Variants in DOCK3 observed in about 807,000 individuals in gnomAD.
DOCK3 encodes dedicator of cytokinesis protein 3.
Under a neutral mutation model 265.6 loss-of-function variants are expected in DOCK3, and 60 were observed. The observed-to-expected ratio is 0.23, with a 90% CI of 0.18 to 0.28. The LOEUF (loss-of-function observed/expected upper bound fraction) is 0.28. DOCK3 is among the 10% of genes least tolerant of loss of function. The pLI, the probability that DOCK3 is intolerant of heterozygous loss-of-function variation, is 1.00. For missense variants in DOCK3, 1,981 were observed against 2,594.3 expected (o/e 0.76, Z 5.14); for synonymous variants, 881 against 938.0 (o/e 0.94, Z 1.11).
At chr3:51,323,025 A>G (rs2083844482) in intron 32 of DOCK3, among the ~76,000 whole-genome samples, 1 of 152,184 alleles carries the variant, frequency 6.6e-6, no homozygotes, top group Non-Finnish European at 1.5e-5. Context: ...CAGACTTTAA[A>G]CCAACAAAGA....
intron 5 of DOCK3, among the ~76,000 whole-genome samples, chr3:50,964,897 A>G (rs2076986544): frequency 6.6e-6 from 1 of 152,128 alleles, no homozygotes; most frequent in South Asian, 2.1e-4. Context: ...TCTCATCAGA[A>G]ACAATGTAAA....
chr3:51,361,988 C>G lies in DOCK3; in HGVS notation c.5136C>G (p.His1712Gln). ...SMGDAPEDLY[H>Q]HMQLAYPNPR... is the part of the protein sequence containing the mutation. ...GTGATGCTCCTGAGGACCTGTACCA[C>G]CACATGCAGGTACAGAGCTGTCCAC... Residue 1712 changes from histidine to glutamine, a missense_variant, in exon 48 of 53, where the codon CAC (histidine) becomes CAG (glutamine). This residue lies in a region of DOCK3 where 1,357 missense variants were observed against 1,866.8 expected (regional missense o/e 0.73). Transcript: ENST00000266037. This position sits in a 1 kb window ranked among gnomAD's most constrained non-coding sequence, Gnocchi z 4.2. The G allele has an allele frequency of 1.2e-6, 2 of 1,607,690 alleles. No homozygotes were observed. Among genetic ancestry groups the G allele is most frequent in the Non-Finnish European group, 1.7e-6 (2 of 1,177,046 alleles).
chr3:50,810,088 T>C (rs1446604204), intron 2 of DOCK3, among the ~76,000 whole-genome samples: 1 of 152,140 alleles, frequency 6.6e-6, no homozygotes, highest in Non-Finnish European at 1.5e-5. Flanking sequence ...TGAGCTATGA[T>C]TGTGCCACTA....
intron 17 of DOCK3, 106 bp from the exon 18 acceptor site, chr3:51,228,555 C>T: frequency 7.8e-7 from 1 of 1,283,606 alleles, no homozygotes; most frequent in South Asian, 1.6e-5. Context: ...GCCCAACGTT[C>T]AGCCTTAGGA....
chr3:50,710,421 C>A (rs1164122082), intron 1 of DOCK3, among the ~76,000 whole-genome samples: 1 of 152,154 alleles, frequency 6.6e-6, no homozygotes, highest in African/African-American at 2.4e-5. Flanking sequence ...AAATGCTCAA[C>A]ATCACTATCA....
At chr3:51,067,664 T>G (rs987669044) in intron 6 of DOCK3, among the ~76,000 whole-genome samples, 1 of 150,448 alleles carries the variant, frequency 6.6e-6, no homozygotes, top group Non-Finnish European at 1.5e-5. Flanking sequence ...TATTTTCTCC[T>G]TTCCTTCAGT....
intron 27 of DOCK3, among the ~76,000 whole-genome samples, chr3:51,287,323 A>G (rs1428606429): frequency 6.6e-6 from 1 of 152,150 alleles, no homozygotes; most frequent in Non-Finnish European, 1.5e-5. Context: ...CTGAGGCAGC[A>G]AGATCACTTG....
intron 1 of DOCK3, among the ~76,000 whole-genome samples, chr3:50,691,270 C>T (rs1450068334): frequency 3.5e-5 from 5 of 143,818 alleles, no homozygotes; most frequent in South Asian, 2.2e-4. Flanking sequence ...GGTGACAGAG[C>T]GAGACTCTGT....
At chr3:51,097,072 G>A (rs927959252) in intron 9 of DOCK3, among the ~76,000 whole-genome samples, 1 of 152,232 alleles carries the variant, frequency 6.6e-6, no homozygotes, top group African/African-American at 2.4e-5. Flanking sequence ...TCCCAGTCAG[G>A]AGGCACAGGG....
At chr3:50,688,247 T>C (rs1169489639) in intron 1 of DOCK3, among the ~76,000 whole-genome samples, 1 of 152,212 alleles carries the variant, frequency 6.6e-6, no homozygotes, top group African/African-American at 2.4e-5. Context: ...CAATAATTGC[T>C]TCTGTTCTTA....
intron 13 of DOCK3, among the ~76,000 whole-genome samples, chr3:51,212,432 T>G (rs1322111278): frequency 1.7e-5 from 2 of 118,258 alleles, no homozygotes; most frequent in Non-Finnish European, 3.4e-5. Flanking sequence ...ACACCCACTG[T>G]TTTTTTTTTT....
chr3:51,197,071 G>T (rs2088346327), intron 12 of DOCK3, among the ~76,000 whole-genome samples: 1 of 152,188 alleles, frequency 6.6e-6, no homozygotes, highest in Non-Finnish European at 1.5e-5. Flanking sequence ...GGGTACTTTG[G>T]CTTTGACTCT....
At chr3:51,146,751 G>T in intron 10 of DOCK3, 121 bp downstream of exon 10, 1 of 788,208 alleles carries the variant, frequency 1.3e-6, no homozygotes, top group Non-Finnish European at 2.0e-6. Context: ...GGGAGAATAG[G>T]ACTTGATTTA....
intron 3 of DOCK3, among the ~76,000 whole-genome samples, chr3:50,888,124 C>T (rs1357153533): frequency 6.6e-6 from 1 of 151,964 alleles, no homozygotes; most frequent in Non-Finnish European, 1.5e-5. Context: ...TTGTGTCAGC[C>T]CAAAATCTCC....
chr3:50,770,514 T>C (rs2041207770), intron 1 of DOCK3, among the ~76,000 whole-genome samples: 1 of 151,994 alleles, frequency 6.6e-6, no homozygotes, highest in African/African-American at 2.4e-5. Flanking sequence ...ATGTGCATTC[T>C]ACCCAAAGAA....
chr3:51,240,673 A>G (rs1013870374), intron 21 of DOCK3, among the ~76,000 whole-genome samples: 2 of 152,140 alleles, frequency 1.3e-5, no homozygotes, highest in African/African-American at 4.8e-5. Context: ...ACTCTTCAAC[A>G]TTATGTAATA....
chr3:51,008,161 A>G (rs1434059379), intron 5 of DOCK3, among the ~76,000 whole-genome samples: 1 of 152,190 alleles, frequency 6.6e-6, no homozygotes, highest in Admixed American at 6.5e-5. Context: ...TTCTGTGAAG[A>G]AAGTCATTGG....
At chr3:51,239,152 C>T (rs1385026499) in intron 21 of DOCK3, among the ~76,000 whole-genome samples, 2 of 152,090 alleles carry the variant, frequency 1.3e-5, no homozygotes, top group Admixed American at 1.3e-4. Context: ...CATAGCCATT[C>T]TGGCCGGTGC....
rs1165747535 is a variant in DOCK3, at chr3:51,333,216, T to G, written c.3574T>G (p.Ser1192Ala). ...WRETGISFVT[S>A]VTRLMERLLD... is the part of the protein sequence containing the mutation. ...CGAGACCGGCATTTCCTTTGTGACC[T>G]CAGTCACCCGCCTCATGGAACGTCT... The change falls in exon 35 of 53, where the codon TCA becomes GCA. Residue 1192 changes from serine to alanine, a missense_variant. Ser to Ala is a moderately conservative substitution (Grantham distance 99). Around this residue, in one of 4 missense-constraint regions of DOCK3, gnomAD observed 1,357 missense variants for 1,866.8 expected, o/e 0.73. Transcript: ENST00000266037. 1.2e-6 allele frequency: 2 copies of G among 1,613,616 alleles called. No homozygotes were observed. The highest frequency in any genetic ancestry group is 2.2e-5 in the South Asian group (2 of 91,066).
Sources: gnomAD v4.1 joint callset for allele counts (sites outside exome capture counted in the v4.1 genomes callset) on GRCh38, gnomAD v4.1.1 for gene constraint, gnomAD v4.1.1 regional missense constraint, Gnocchi (gnomAD v3.1) non-coding constraint, MANE v1.5 for transcripts, NCBI Gene and HGNC (gene_info 2026-07-23, HGNC 2026-07-21) for gene names.